TMEM39A: variants seen among roughly 807,000 people sequenced by gnomAD.
TMEM39A encodes transmembrane protein 39A, also known as suppressor of SQST-1 aggregates in rpl-43 mutants.
In TMEM39A, 19 loss-of-function variants were observed where a neutral mutation model predicts 51.9. That is an observed-to-expected ratio of 0.37 (90% CI 0.26 to 0.54). The LOEUF (loss-of-function observed/expected upper bound fraction) is 0.54, where lower values mean the gene tolerates loss of function less well. Among genes scored for constraint, TMEM39A ranks in the 20% least tolerant of loss-of-function variants. The pLI is 0.88. For missense variants in TMEM39A, 433 were observed against 590.5 expected, an observed-to-expected ratio of 0.73 and a Z score of 2.76; for synonymous variants, 197 against 220.2, an observed-to-expected ratio of 0.89 and a Z score of 0.93.
chr3:119,444,949 G>A (rs753544864), intron 5 of TMEM39A, among the ~76,000 whole-genome samples: 47 of 152,148 alleles, frequency 3.1e-4, no homozygotes, highest in Non-Finnish European at 6.3e-4. Context: ...GCATGGTGGT[G>A]TGCACATGTA....
rs2081289184 is a variant in TMEM39A at position 119,458,044 on chromosome 3, T to G, written c.310A>C (p.Asn104His). 6.2e-7 allele frequency: 1 copy of G among 1,614,026 alleles called. No homozygotes were observed. The highest frequency in any genetic ancestry group is 8.5e-7 in the Non-Finnish European group (1 of 1,179,906). The change falls in exon 3 of 9, where the codon AAT (asparagine) becomes CAT (histidine). Residue 104 changes from asparagine to histidine, a missense_variant. Physicochemically the swap from Asn to His is moderately conservative, Grantham distance 68 (BLOSUM62 1). This residue lies in a region of TMEM39A where 170 missense variants were observed against 239.8 expected (regional missense o/e 0.71). Coordinates refer to ENST00000319172, the MANE Select transcript of TMEM39A (RefSeq NM_018266.3). Reference sequence around the variant, plus strand: ...AGTGATGTACAAGAAGCAGGATGATTGTAAGGATACCACCACACTGTTTTA... The same window carrying G: ...AGTGATGTACAAGAAGCAGGATGATGGTAAGGATACCACCACACTGTTTTA... Reference protein sequence around the residue: ...IYKTVWWYPYNHPASCTSLNF... With the variant: ...IYKTVWWYPYHHPASCTSLNF...
At chr3:119,432,984 T>G (rs1040418282) in intron 8 of TMEM39A, among the ~76,000 whole-genome samples, 6 of 152,160 alleles carry the variant, frequency 3.9e-5, no homozygotes. Context: ...TAAATTCTGG[T>G]TTTCTAATAC....
rs1261762527 is a variant in TMEM39A at position 119,434,801 on chromosome 3, G to A, written c.1194C>T (p.Asn398=). Residue 398 remains asparagine, a synonymous_variant, in exon 8 of 9, where the codon AAC becomes AAT. Coordinates refer to ENST00000319172, the MANE Select transcript of TMEM39A (RefSeq NM_018266.3). The part of the protein sequence containing the change: ...RCLYRAMGPY[N]VAVPSDVSHA... ...GAGATACATCTGAAGGCACTGCCACGTTGTAAGGCCCCATGGCTCTATATA... is the reference window on the plus strand; with the variant it reads ...GAGATACATCTGAAGGCACTGCCACATTGTAAGGCCCCATGGCTCTATATA... The A allele has an allele frequency of 1.7e-5, 28 of 1,613,608 alleles. No individual in the cohort carries two copies. Among genetic ancestry groups the A allele is most frequent in the East Asian group, 4.5e-5 (2 of 44,898 alleles).
intron 3 of TMEM39A, among the ~76,000 whole-genome samples, chr3:119,455,296 C>G: frequency 6.6e-6 from 1 of 152,226 alleles, no homozygotes; most frequent in East Asian, 1.9e-4. Context: ...CTCACTGATA[C>G]AGGCTCCTTT....
chr3:119,437,121 C>T lies in TMEM39A; in HGVS notation c.925-143G>A, dbSNP rs570451025. 1.3e-5 allele frequency: 9 copies of T among 677,590 alleles called. No homozygotes were observed. In the African/African-American group the frequency reaches 1.6e-4, roughly 12 times the overall value. 42.0% of individuals were successfully genotyped at this position (677,590 alleles called of 1,614,324 possible). On this transcript the variant is annotated intron_variant, in intron 6 of 8. Transcript: ENST00000319172. ...GTCCTGCTGTCCGTGCAGAAAAGTT[C>T]AAGAGCAGAGTCCTCCACAATCCTT...
Position 119,447,046 on chromosome 3 carries a change from C to T in TMEM39A, c.547G>A (p.Val183Ile). 12 of 1,614,120 alleles carry T rather than the reference C, an allele frequency of 7.4e-6. No individual in the cohort carries two copies. Among genetic ancestry groups the T allele is most frequent in the Non-Finnish European group, 1.0e-5 (12 of 1,180,006 alleles). The change falls in exon 5 of 9, where the codon GTC (valine) becomes ATC (isoleucine). Residue 183 changes from valine (V) to isoleucine (I), a missense_variant. Coordinates refer to ENST00000319172, the MANE Select transcript of TMEM39A (RefSeq NM_018266.3). ...TLVNLFRSHS[V>I]LNLLFLGYPF... ...TAGCCAAGGAAAAGGAGATTGAGGA[C>T]TGAATGGCTTCGAAAGAGATTGACG...
chr3:119,457,982 G>GT, intron 3 of TMEM39A, 36 bp downstream of exon 3: 2 of 1,512,636 alleles, frequency 1.3e-6, no homozygotes, highest in Non-Finnish European at 1.8e-6. Context: ...TCTTGGGTAA[G>GT]TAACATGAAG....
At chr3:119,460,177 C>A (rs963521650) in intron 2 of TMEM39A, among the ~76,000 whole-genome samples, 2 of 151,532 alleles carry the variant, frequency 1.3e-5, no homozygotes, top group Non-Finnish European at 2.9e-5. Flanking sequence ...TTTTTTCTAC[C>A]CACTCCCTCC....
At chr3:119,459,478 A>G (rs2081309874) in intron 2 of TMEM39A, among the ~76,000 whole-genome samples, 1 of 152,244 alleles carries the variant, frequency 6.6e-6, no homozygotes, top group African/African-American at 2.4e-5. Context: ...GATATTATTA[A>G]CAAAGTATAT....
At chr3:119,450,844 A>AAG (rs1425518792) in intron 4 of TMEM39A, among the ~76,000 whole-genome samples, 1 of 151,266 alleles carries the variant, frequency 6.6e-6, no homozygotes, top group East Asian at 1.9e-4. Context: ...AAAAAAAAAA[A>AAG]AAAAAAAGAA....
Position 119,443,556 on chromosome 3 carries a change from C to G in TMEM39A, c.575+3462G>C, listed in dbSNP as rs577458520. Among the ~76,000 whole-genome samples the G allele has an allele frequency of 5.9e-5, 9 of 152,264 alleles. 2 individuals are homozygous for G. In the South Asian group the frequency reaches 1.9e-3, roughly 32 times the overall value. ...ATGCTCATCTGCATACTTTAGCAAT[C>G]AAGTATTTTTTAATTAAGATATGTA... is the stretch of plus-strand genomic sequence containing the variant. On this transcript the variant is annotated intron_variant, in intron 5 of 8. Transcript: ENST00000319172.
chr3:119,437,706 A>G, intron 6 of TMEM39A, 49 bp downstream of exon 6: 1 of 1,388,456 alleles, frequency 7.2e-7, no homozygotes, highest in Non-Finnish European at 9.8e-7. Context: ...CAGTTTATGT[A>G]ATTCACACAC....
intron 1 of TMEM39A, 32 bp from the exon 2 acceptor site, chr3:119,462,180 T>G (rs2081347659): frequency 2.6e-6 from 2 of 757,236 alleles, no homozygotes. Context: ...TAAACATCAG[T>G]AGACTATTTT....
intron 5 of TMEM39A, among the ~76,000 whole-genome samples, chr3:119,439,306 G>T (rs151225312): frequency 6.6e-6 from 1 of 152,062 alleles, no homozygotes; most frequent in Non-Finnish European, 1.5e-5. Context: ...TAGGGCCAGG[G>T]ACAGTCCCTC....
chr3:119,457,995 CT>C, intron 3 of TMEM39A, 22 bp downstream of exon 3: 1 of 1,573,210 alleles, frequency 6.4e-7, no homozygotes. Context: ...ACATGAAGAA[CT>C]TAAAGTCTGA....
chr3:119,459,791 T>C (rs527919995), intron 2 of TMEM39A, among the ~76,000 whole-genome samples: 4 of 152,334 alleles, frequency 2.6e-5, no homozygotes, highest in African/African-American at 9.6e-5. Context: ...AGCTGACCTA[T>C]GTCTGTCTTG....
Position 119,451,790 on chromosome 3 carries a change from A to G in TMEM39A, c.420+657T>C, listed in dbSNP as rs992279336. On this transcript the variant is annotated intron_variant, in intron 4 of 8. Transcript: ENST00000319172. ...GGTTGTGGCGAGCCGAGATCATGCC[A>G]CTGCACTCCAGCCTGGGCAACAAGA... Among the ~76,000 whole-genome samples, 4 of 132,426 alleles carry G rather than the reference A, an allele frequency of 3.0e-5. No individual in the cohort carries two copies. In the East Asian group the frequency reaches 9.6e-4, roughly 32 times the overall value. 86.9% of individuals were successfully genotyped at this position (132,426 alleles called of 152,430 possible).
chr3:119,457,840 G>A (rs780298368), intron 3 of TMEM39A, among the ~76,000 whole-genome samples, 178 bp downstream of exon 3: 7 of 152,104 alleles, frequency 4.6e-5, no homozygotes, highest in Non-Finnish European at 8.8e-5. Flanking sequence ...TCCTCTGGTA[G>A]TACTTATAAT....
intron 5 of TMEM39A, among the ~76,000 whole-genome samples, chr3:119,446,339 T>C (rs2081124304): frequency 6.6e-6 from 1 of 152,080 alleles, no homozygotes; most frequent in African/African-American, 2.4e-5. Context: ...TGTGACACCA[T>C]GCCAGTCCAT....
Sources: allele counts gnomAD v4.1 joint callset (sites outside exome capture counted in the v4.1 genomes callset), GRCh38; gene constraint gnomAD v4.1.1; regional missense constraint gnomAD v4.1.1; transcripts MANE v1.5; gene names NCBI Gene and HGNC (gene_info 2026-07-23, HGNC 2026-07-21).